ZHX2: variants seen among roughly 807,000 people sequenced by gnomAD.
ZHX2 encodes the protein zinc fingers and homeoboxes protein 2.
In ZHX2, 6 loss-of-function variants were observed where a neutral mutation model predicts 21.9. The ratio of observed to expected loss-of-function variants is 0.27; its 90% CI spans 0.15 to 0.54. The LOEUF is 0.54. ZHX2 is among the 20% of genes least tolerant of loss of function. ZHX2 has a pLI of 0.95. For synonymous variants in ZHX2, 434 were observed against 437.1 expected (o/e 0.99, Z 0.09); for missense variants, 908 against 1,090.7 (o/e 0.83, Z 2.36).
chr8:122,968,528 G>A (rs982318201), intron 3 of ZHX2, among the ~76,000 whole-genome samples: 2 of 152,114 alleles, frequency 1.3e-5, no homozygotes, highest in Non-Finnish European at 2.9e-5. Flanking sequence ...TAAAAGAAAT[G>A]AAAGTTTGAA....
intron 1 of ZHX2, among the ~76,000 whole-genome samples, chr8:122,789,114 G>A (rs1372470303): frequency 6.6e-6 from 1 of 152,190 alleles, no homozygotes; most frequent in Non-Finnish European, 1.5e-5. Flanking sequence ...GAGTGGCCTC[G>A]CCAGCCAATG....
chr8:122,780,404 T>C (rs1327436141), upstream of ZHX2: 1 of 152,396 alleles, frequency 6.6e-6, no homozygotes, highest in African/African-American at 2.4e-5. Context: ...TCGAAGCTTC[T>C]AAACTAGCCC....
chr8:122,809,987 T>C (rs1010537150), intron 1 of ZHX2, among the ~76,000 whole-genome samples: 6 of 152,154 alleles, frequency 3.9e-5, no homozygotes, highest in African/African-American at 9.7e-5. Flanking sequence ...GATGATGGTT[T>C]TCATTATAAG....
intron 1 of ZHX2, among the ~76,000 whole-genome samples, chr8:122,804,699 C>A: frequency 6.6e-6 from 1 of 152,192 alleles, no homozygotes; most frequent in Non-Finnish European, 1.5e-5. Flanking sequence ...TGCATTTTCA[C>A]ACTTGAACAT....
intron 1 of ZHX2, among the ~76,000 whole-genome samples, chr8:122,803,298 C>T (rs1454863672): frequency 6.6e-6 from 1 of 152,154 alleles, no homozygotes; most frequent in East Asian, 1.9e-4. Flanking sequence ...ATGGTGGCCC[C>T]GGCCCCGCCT....
intron 2 of ZHX2, among the ~76,000 whole-genome samples, chr8:122,904,869 G>T (rs1037940544): frequency 3.9e-5 from 6 of 152,114 alleles, no homozygotes; most frequent in Admixed American, 3.9e-4. Flanking sequence ...AGATTATAAA[G>T]CAGCCATCAT....
chr8:122,823,443 G>A (rs1367116345), intron 1 of ZHX2, among the ~76,000 whole-genome samples: 1 of 152,238 alleles, frequency 6.6e-6, no homozygotes, highest in African/African-American at 2.4e-5. Flanking sequence ...AGTATGTGCA[G>A]TGCTTTTCCA....
At chr8:122,937,065 TG>T (rs1244616197) in intron 2 of ZHX2, among the ~76,000 whole-genome samples, 1 of 152,206 alleles carries the variant, frequency 6.6e-6, no homozygotes, top group Admixed American at 6.5e-5. Flanking sequence ...AAAAACTGGA[TG>T]GCCATTGCCA....
At position 122,819,922 on chromosome 8, in the gene ZHX2, C is replaced by A. The variant is rs180722257; in HGVS notation, c.-283+37976C>A. Among the ~76,000 whole-genome samples, 118 of 152,336 alleles carry A rather than the reference C, an allele frequency of 7.7e-4. 1 individual carries two copies. The highest frequency in any genetic ancestry group is 2.8e-3 in the African/African-American group (116 of 41,576). ...CTGCTTGGCCAAAGCCCCACACCCTCGCCTTGGCTGGGCTGCCCACCCTCC... is the reference window on the plus strand; with the variant it reads ...CTGCTTGGCCAAAGCCCCACACCCTAGCCTTGGCTGGGCTGCCCACCCTCC... On this transcript the variant is annotated intron_variant, in intron 1 of 3. Coordinates refer to ENST00000314393, the MANE Select transcript of ZHX2 (RefSeq NM_014943.5).
intron 3 of ZHX2, among the ~76,000 whole-genome samples, chr8:122,958,551 AC>A (rs1813364071): frequency 6.6e-6 from 1 of 152,170 alleles, no homozygotes; most frequent in Non-Finnish European, 1.5e-5. Context: ...CTTCATGCCC[AC>A]CCTGTGAGGT....
At chr8:122,909,693 C>T (rs1262888684) in intron 2 of ZHX2, among the ~76,000 whole-genome samples, 1 of 152,130 alleles carries the variant, frequency 6.6e-6, no homozygotes, top group Non-Finnish European at 1.5e-5. Context: ...CTGGCTTCCA[C>T]ATTCACTCCA....
chr8:122,917,111 G>A (rs1350833196), intron 2 of ZHX2, among the ~76,000 whole-genome samples: 1 of 152,100 alleles, frequency 6.6e-6, no homozygotes, highest in African/African-American at 2.4e-5. Flanking sequence ...TATGACCTGC[G>A]TTTCTCAGGG....
intron 3 of ZHX2, among the ~76,000 whole-genome samples, chr8:122,969,426 C>T (rs1357081024): frequency 9.2e-5 from 14 of 151,978 alleles, no homozygotes. Flanking sequence ...CAAAAATAGA[C>T]ACAAGCAAAC....
chr8:122,932,209 G>A (rs117130066), intron 2 of ZHX2, among the ~76,000 whole-genome samples: 3,128 of 152,266 alleles, frequency 0.021, 58 homozygotes, highest in Middle Eastern at 0.048. Context: ...GAGATGAATG[G>A]CACAGGCTGC....
chr8:122,820,779 A>T (rs1165050825), intron 1 of ZHX2, among the ~76,000 whole-genome samples: 1 of 152,242 alleles, frequency 6.6e-6, no homozygotes, highest in African/African-American at 2.4e-5. Context: ...CTTTAAAAAT[A>T]ATAAGAATAA....
At chr8:122,817,409 C>T (rs1330806234) in intron 1 of ZHX2, among the ~76,000 whole-genome samples, 1 of 152,176 alleles carries the variant, frequency 6.6e-6, no homozygotes, top group Non-Finnish European at 1.5e-5. Context: ...AAGAGGAATG[C>T]ATTGGGGAGC....
intron 3 of ZHX2, among the ~76,000 whole-genome samples, chr8:122,966,438 C>A (rs1287871100): frequency 6.6e-6 from 1 of 152,182 alleles, no homozygotes; most frequent in Admixed American, 6.5e-5. Flanking sequence ...ATACAAAATT[C>A]TTGACTGGTA....
intron 1 of ZHX2, among the ~76,000 whole-genome samples, chr8:122,811,610 C>A (rs936885167): frequency 2.6e-5 from 4 of 152,184 alleles, no homozygotes; most frequent in Non-Finnish European, 4.4e-5. Context: ...AAAGAGAAAT[C>A]CCATCTGTGA....
chr8:122,830,077 A>G (rs1397865721), intron 1 of ZHX2, among the ~76,000 whole-genome samples: 1 of 152,126 alleles, frequency 6.6e-6, no homozygotes, highest in East Asian at 1.9e-4. Context: ...ATCAGTTCAA[A>G]CCCTGAGCGT....
Sources: allele counts gnomAD v4.1 joint callset (sites outside exome capture counted in the v4.1 genomes callset), GRCh38; gene constraint gnomAD v4.1.1; transcripts MANE v1.5; gene names NCBI Gene and HGNC (gene_info 2026-07-23, HGNC 2026-07-21).